Variants in KCNH7 observed in about 807,000 individuals in gnomAD.
KCNH7 encodes potassium voltage-gated channel subfamily H member 7.
KCNH7 carries 49 observed loss-of-function variants against 120.8 expected under a neutral mutation model. That is an observed-to-expected ratio of 0.41 (90% CI 0.32 to 0.51). The LOEUF (loss-of-function observed/expected upper bound fraction) is 0.51, where lower values mean the gene tolerates loss of function less well. Ranked by LOEUF, KCNH7 falls within the 20% of genes least tolerant of loss-of-function variation. The pLI is 0.38. For synonymous variants in KCNH7, 547 were observed against 516.1 expected, an observed-to-expected ratio of 1.06 and a Z score of -0.81; for missense variants, 1,097 against 1,446.6, an observed-to-expected ratio of 0.76 and a Z score of 3.92.
intron 7 of KCNH7, among the ~76,000 whole-genome samples, chr2:162,445,487 C>T (rs1453579610): frequency 1.3e-5 from 2 of 152,132 alleles, no homozygotes; most frequent in African/African-American, 4.8e-5. Context: ...ATGCACAATA[C>T]ATACACTTCT....
At chr2:162,577,607 A>T (rs1034519476) in intron 2 of KCNH7, among the ~76,000 whole-genome samples, 10 of 152,006 alleles carry the variant, frequency 6.6e-5, no homozygotes, top group Admixed American at 3.3e-4. Context: ...ACTTTAGCCA[A>T]GGCACATAAT....
chr2:162,777,792 A>G (rs926653611), intron 2 of KCNH7, among the ~76,000 whole-genome samples: 3 of 152,172 alleles, frequency 2.0e-5, no homozygotes, highest in Admixed American at 6.5e-5. Flanking sequence ...TGACTATGCC[A>G]TAAGAAAGAG....
Position 162,781,737 on chromosome 2 carries a change from C to T in KCNH7, c.307+54800G>A, listed in dbSNP as rs2105495843. Among the ~76,000 whole-genome samples, 2 of 152,174 alleles carry T rather than the reference C, an allele frequency of 1.3e-5. 1 individual carries two copies. The highest frequency in any genetic ancestry group is 4.8e-5 in the African/African-American group (2 of 41,544). On this transcript the variant is annotated intron_variant, in intron 2 of 15. Transcript: ENST00000332142. The stretch of plus-strand genomic sequence containing the variant: ...AGATACTTGGTTTTAAACTGTCTTT[C>T]CCTCAAGTCACTAAGCTCAATCCTT...
Position 162,379,893 on chromosome 2 carries a change from C to G in KCNH7, c.3091G>C (p.Val1031Leu), listed in dbSNP as rs1686349773. 4 of 1,613,890 alleles carry G rather than the reference C, an allele frequency of 2.5e-6. No homozygotes were observed. Among genetic ancestry groups the G allele is most frequent in the Non-Finnish European group, 3.4e-6 (4 of 1,179,940 alleles). The change falls in exon 14 of 16, where the codon GTG (valine) becomes CTG (leucine). Residue 1031 changes from valine to leucine, a missense_variant. By Grantham distance (32) the Val-to-Leu change is conservative. Coordinates refer to ENST00000332142, the MANE Select transcript of KCNH7 (RefSeq NM_033272.4). The part of the protein sequence containing the change: ...ETESDLTYGE[V>L]EQRLDLLQEQ... ...TGGAGCAGATCTAATCTTTGTTCCA[C>G]TTCCCCGTAGGTGAGGTCGCTTTCG...
intron 2 of KCNH7, among the ~76,000 whole-genome samples, chr2:162,660,275 C>A (rs768593388): frequency 6.6e-6 from 1 of 152,114 alleles, no homozygotes; most frequent in Non-Finnish European, 1.5e-5. Flanking sequence ...ACACATTTCC[C>A]TCTAAGTACT....
intron 6 of KCNH7, among the ~76,000 whole-genome samples, chr2:162,486,032 C>T (rs1324578930): frequency 2.0e-5 from 3 of 151,996 alleles, no homozygotes; most frequent in African/African-American, 4.8e-5. Context: ...TAAAAAGGGT[C>T]AATAGGAAGC....
At chr2:162,683,264 T>C (rs1260633835) in intron 2 of KCNH7, among the ~76,000 whole-genome samples, 1 of 151,900 alleles carries the variant, frequency 6.6e-6, no homozygotes, top group Non-Finnish European at 1.5e-5. Flanking sequence ...TAAATGTACA[T>C]CTCTTATTCA....
intron 3 of KCNH7, among the ~76,000 whole-genome samples, chr2:162,523,979 A>G (rs1474792959): frequency 1.3e-5 from 2 of 151,920 alleles, no homozygotes; most frequent in Admixed American, 1.3e-4. Flanking sequence ...ACCATGATGA[A>G]ATAGGAGAGG....
At position 162,423,445 on chromosome 2, in the gene KCNH7, C is replaced by T; in HGVS notation, c.2045G>A (p.Arg682Gln). ...GTARYHMQML[R>Q]VKEFIRFHQI... is the part of the protein sequence containing the mutation. Reference sequence around the variant, plus strand: ...GTGAAAGCGAATGAACTCTTTTACTCGCAGCATCTGCATGTGGTACCTGGC... The same window carrying T: ...GTGAAAGCGAATGAACTCTTTTACTTGCAGCATCTGCATGTGGTACCTGGC... Residue 682 changes from arginine (R) to glutamine (Q), a missense_variant, in exon 9 of 16, where the codon CGA becomes CAA. Physicochemically the swap from Arg to Gln is conservative, Grantham distance 43 (BLOSUM62 1). Coordinates refer to ENST00000332142, the MANE Select transcript of KCNH7 (RefSeq NM_033272.4). The T allele has an allele frequency of 6.2e-7, 1 of 1,614,076 alleles. No homozygotes were observed. Among genetic ancestry groups the T allele is most frequent in the Non-Finnish European group, 8.5e-7 (1 of 1,179,958 alleles).
chr2:162,420,413 A>G (rs910726500), intron 9 of KCNH7, among the ~76,000 whole-genome samples: 3 of 151,918 alleles, frequency 2.0e-5, no homozygotes, highest in African/African-American at 7.2e-5. Context: ...ACAAAACAAA[A>G]CAAAACACCA....
chr2:162,518,123 C>G lies in KCNH7; in HGVS notation c.499G>C (p.Val167Leu). ...AAGGACTGCTTTCTGTAAGTGAGAACTCTCAGACCAGGGAATTTGAACCCA... is the reference window on the plus strand; with the variant it reads ...AAGGACTGCTTTCTGTAAGTGAGAAGTCTCAGACCAGGGAATTTGAACCCA... ...FFGFKFPGLR[V>L]LTYRKQSLPQ... Residue 167 changes from valine (V) to leucine (L), a missense_variant, in exon 4 of 16, where the codon GTT becomes CTT. Around this residue, in one of 8 missense-constraint regions of KCNH7, gnomAD observed 362 missense variants for 372.2 expected, o/e 0.97. Coordinates refer to ENST00000332142, the MANE Select transcript of KCNH7 (RefSeq NM_033272.4). The G allele has an allele frequency of 6.2e-7, 1 of 1,611,178 alleles. No individual in the cohort carries two copies. The highest frequency in any genetic ancestry group is 8.5e-7 in the Non-Finnish European group (1 of 1,178,166).
At chr2:162,538,305 G>A (rs1692181620) in intron 2 of KCNH7, among the ~76,000 whole-genome samples, 2 of 152,008 alleles carry the variant, frequency 1.3e-5, no homozygotes, top group South Asian at 4.1e-4. Flanking sequence ...TTCTTCCAAT[G>A]TGGCCCAGGG....
intron 2 of KCNH7, among the ~76,000 whole-genome samples, chr2:162,672,199 A>G (rs1685383626): frequency 6.6e-6 from 1 of 152,100 alleles, no homozygotes; most frequent in African/African-American, 2.4e-5. Context: ...ATTTAATGAA[A>G]CATACAAAAC....
rs564107472 is a variant in KCNH7, at chr2:162,539,945, A to T, written c.308-2865T>A. Reference sequence around the variant, plus strand: ...TAGCTTGGATAATTCTACAAACTCCAACTAAGTTCTGTCAAGATACTACTT... The same window carrying T: ...TAGCTTGGATAATTCTACAAACTCCTACTAAGTTCTGTCAAGATACTACTT... On this transcript the variant is annotated intron_variant, in intron 2 of 15. Coordinates refer to ENST00000332142, the MANE Select transcript of KCNH7 (RefSeq NM_033272.4). Among the ~76,000 whole-genome samples, 48 of 152,218 alleles carry T rather than the reference A, an allele frequency of 3.2e-4. 1 individual carries two copies. Among genetic ancestry groups the T allele is most frequent in the Admixed American group, 1.7e-3 (26 of 15,278 alleles).
intron 6 of KCNH7, among the ~76,000 whole-genome samples, chr2:162,482,040 CATT>C (rs1689947707): frequency 6.6e-6 from 1 of 152,020 alleles, no homozygotes; most frequent in Non-Finnish European, 1.5e-5. Flanking sequence ...TCATCATCAT[CATT>C]ATCATCATCT....
intron 2 of KCNH7, among the ~76,000 whole-genome samples, chr2:162,700,657 T>A (rs1411017490): frequency 6.6e-6 from 1 of 152,192 alleles, no homozygotes; most frequent in Non-Finnish European, 1.5e-5. Context: ...AAAATAAAGA[T>A]CATTTCCAAC....
chr2:162,524,903 T>C (rs1691647346), intron 3 of KCNH7, among the ~76,000 whole-genome samples: 1 of 151,898 alleles, frequency 6.6e-6, no homozygotes, highest in Non-Finnish European at 1.5e-5. Context: ...CAGAATATTG[T>C]CAAAGAATGA....
At chr2:162,462,296 G>T (rs980810812) in intron 6 of KCNH7, among the ~76,000 whole-genome samples, 2 of 152,070 alleles carry the variant, frequency 1.3e-5, no homozygotes, top group Non-Finnish European at 2.9e-5. Flanking sequence ...ATTGTCCTGG[G>T]ATGTACTGGT....
chr2:162,394,387 A>G lies in KCNH7; in HGVS notation c.2710+2T>C. Reference sequence around the variant, plus strand: ...TTAAACTTTAGGAATGGAATGAATTACCTTTCTCTCCTTCACTTTCAAATG... The same window carrying G: ...TTAAACTTTAGGAATGGAATGAATTGCCTTTCTCTCCTTCACTTTCAAATG... On this transcript the variant is annotated splice_donor_variant, in intron 12 of 15. Transcript: ENST00000332142. LOFTEE classifies it high-confidence loss of function. The G allele has an allele frequency of 6.7e-7, 1 of 1,500,028 alleles. No homozygotes were observed. Among genetic ancestry groups the G allele is most frequent in the Non-Finnish European group, 9.3e-7 (1 of 1,077,534 alleles). The allele number at this position is 1,500,028 out of a possible 1,614,324, so 92.9% of individuals were successfully genotyped here.
Sources: gnomAD v4.1 joint callset for allele counts (sites outside exome capture counted in the v4.1 genomes callset) on GRCh38, gnomAD v4.1.1 for gene constraint, gnomAD v4.1.1 regional missense constraint, MANE v1.5 for transcripts, NCBI Gene and HGNC (gene_info 2026-07-23, HGNC 2026-07-21) for gene names.